Variants in ARGLU1 observed in about 807,000 individuals in gnomAD.
ARGLU1 encodes arginine and glutamate-rich protein 1.
In ARGLU1, 9 loss-of-function variants were observed where a neutral mutation model predicts 37.6. That is an observed-to-expected ratio of 0.24 (90% CI 0.14 to 0.42). The LOEUF (loss-of-function observed/expected upper bound fraction) is 0.42. Among genes scored for constraint, ARGLU1 ranks in the 10% least tolerant of loss-of-function variants. The pLI is 1.00. For synonymous variants in ARGLU1, 166 were observed against 138.5 expected (o/e 1.20, Z -1.39); for missense variants, 211 against 359.2 (o/e 0.59, Z 3.34).
chr13:106,557,250 C>T lies in ARGLU1; in HGVS notation c.574-119G>A, dbSNP rs542889231. ...GACTTACAGGGTAGCTTTATAGCTA[C>T]CTTCTGTCTGACAAATGATAAACTG... On this transcript the variant is annotated intron_variant, in intron 2 of 3. Coordinates refer to ENST00000400198, the MANE Select transcript of ARGLU1 (RefSeq NM_018011.4). The surrounding 1 kb of genome is among the most constrained non-coding windows in gnomAD (Gnocchi z 5.0). 5 of 870,330 alleles carry T rather than the reference C, an allele frequency of 5.7e-6. No homozygotes were observed. The highest frequency in any genetic ancestry group is 8.8e-6 in the Non-Finnish European group (5 of 566,838). 53.9% of individuals were successfully genotyped at this position (870,330 alleles called of 1,614,324 possible).
chr13:106,556,168 G>A (rs549161845), intron 3 of ARGLU1, among the ~76,000 whole-genome samples: 1 of 152,158 alleles, frequency 6.6e-6, no homozygotes, highest in East Asian at 1.9e-4. Flanking sequence ...CATTCCTATT[G>A]CTTTTTCTGC....
chr13:106,549,854 G>A (rs960189309), intron 3 of ARGLU1, among the ~76,000 whole-genome samples: 1 of 152,202 alleles, frequency 6.6e-6, no homozygotes, highest in African/African-American at 2.4e-5. Context: ...AGCTTTGTAT[G>A]CAATATTATG....
intron 3 of ARGLU1, among the ~76,000 whole-genome samples, chr13:106,551,517 C>G (rs1272677503): frequency 1.3e-5 from 2 of 152,204 alleles, no homozygotes; most frequent in African/African-American, 4.8e-5. Context: ...CATTTTCTAT[C>G]ATGTGACTCA....
intron 3 of ARGLU1, among the ~76,000 whole-genome samples, chr13:106,549,851 T>C (rs1435437584): frequency 1.3e-5 from 2 of 152,246 alleles, no homozygotes; most frequent in Admixed American, 6.5e-5. Flanking sequence ...TTGAGCTTTG[T>C]ATGCAATATT....
At chr13:106,559,983 A>C (rs1318036454) in intron 1 of ARGLU1, among the ~76,000 whole-genome samples, 1 of 152,206 alleles carries the variant, frequency 6.6e-6, no homozygotes, top group Admixed American at 6.5e-5. Context: ...CTTTATAATC[A>C]GAGGACAAGT....
chr13:106,546,733 A>G (rs543204512), intron 3 of ARGLU1, among the ~76,000 whole-genome samples: 1 of 152,238 alleles, frequency 6.6e-6, no homozygotes, highest in African/African-American at 2.4e-5. Flanking sequence ...TTCTAACTCA[A>G]CCCTAGGAAA....
intron 2 of ARGLU1, chr13:106,558,694 A>C: frequency 1.0e-6 from 1 of 985,474 alleles, no homozygotes; most frequent in South Asian, 4.7e-5. Context: ...CCAGCTGCTG[A>C]TAAAACAAAT....
intron 3 of ARGLU1, among the ~76,000 whole-genome samples, chr13:106,549,001 C>T (rs4772797): frequency 0.35 from 52,957 of 152,006 alleles, 10,020 homozygotes; most frequent in African/African-American, 0.49. Context: ...TCCGCCTGCC[C>T]TGGCCTCCCA....
At chr13:106,552,755 T>C (rs112039171) in intron 3 of ARGLU1, among the ~76,000 whole-genome samples, 16 of 152,222 alleles carry the variant, frequency 1.1e-4, no homozygotes, top group African/African-American at 3.6e-4. Flanking sequence ...TACCTAAAGA[T>C]AGTTATGTGT....
At chr13:106,553,357 GTAA>G (rs1353108532) in intron 3 of ARGLU1, among the ~76,000 whole-genome samples, 2 of 152,100 alleles carry the variant, frequency 1.3e-5, no homozygotes, top group Non-Finnish European at 2.9e-5. Context: ...AACCCACTGT[GTAA>G]TAATAATGAA....
At chr13:106,554,710 C>T (rs1357396802) in intron 3 of ARGLU1, among the ~76,000 whole-genome samples, 1 of 151,744 alleles carries the variant, frequency 6.6e-6, no homozygotes, top group Non-Finnish European at 1.5e-5. Context: ...CATACTGAAA[C>T]CCCGTCTCTA....
intron 3 of ARGLU1, among the ~76,000 whole-genome samples, chr13:106,550,376 T>A (rs961131400): frequency 6.6e-6 from 1 of 152,168 alleles, no homozygotes; most frequent in Admixed American, 6.5e-5. Context: ...TAAATTACTG[T>A]CCCAAATACA....
intron 1 of ARGLU1, among the ~76,000 whole-genome samples, chr13:106,566,959 G>A (rs1880982203): frequency 6.6e-6 from 1 of 151,916 alleles, no homozygotes; most frequent in Admixed American, 6.6e-5. Flanking sequence ...ACATCTCAAG[G>A]AAGGGGTGAG....
At chr13:106,554,657 C>T (rs1388889322) in intron 3 of ARGLU1, among the ~76,000 whole-genome samples, 6 of 152,012 alleles carry the variant, frequency 3.9e-5, no homozygotes, top group Admixed American at 2.0e-4. Context: ...GAGGACGGTG[C>T]GGGTGGATCA....
chr13:106,551,630 G>A (rs1880532341), intron 3 of ARGLU1, among the ~76,000 whole-genome samples: 2 of 152,084 alleles, frequency 1.3e-5, no homozygotes, highest in Non-Finnish European at 2.9e-5. Context: ...TATTCTGGAG[G>A]CCAGGAGTCT....
intron 1 of ARGLU1, among the ~76,000 whole-genome samples, chr13:106,565,136 A>G (rs1880925803): frequency 1.3e-5 from 2 of 152,214 alleles, no homozygotes; most frequent in African/African-American, 4.8e-5. Flanking sequence ...CCTGCTTAAA[A>G]TCCTTCCCGT....
rs750805855 is a variant in ARGLU1, at chr13:106,544,058, T to C, written c.760A>G (p.Ile254Val). 3.1e-6 allele frequency: 5 copies of C among 1,606,530 alleles called. No individual in the cohort carries two copies. In the Admixed American group the frequency reaches 8.5e-5, roughly 27 times the overall value. ...RQRQQKEEQKIILGKGKSRPK... is the reference protein window; with the variant it reads ...RQRQQKEEQKVILGKGKSRPK... ...CTGGACTTCCCCTTGCCCAGGATAA[T>C]TTTTTGTTCTTCTTTTTGTTGACGT... Residue 254 changes from isoleucine to valine, a missense_variant, in exon 4 of 4, where the codon ATT (isoleucine) becomes GTT (valine). Physicochemically the swap from Ile to Val is conservative, Grantham distance 29. Around this residue, in one of 3 missense-constraint regions of ARGLU1, gnomAD observed 80 missense variants for 158.4 expected, o/e 0.51. Transcript: ENST00000400198.
intron 2 of ARGLU1, 194 bp downstream of exon 2, chr13:106,559,238 C>A: frequency 6.5e-7 from 1 of 1,527,592 alleles, no homozygotes; most frequent in Non-Finnish European, 8.8e-7. Context: ...TTTATAAAAG[C>A]TTCCAACTTT....
chr13:106,559,783 T>C, intron 1 of ARGLU1, 126 bp from the exon 2 acceptor site: 3 of 1,023,544 alleles, frequency 2.9e-6, no homozygotes, highest in South Asian at 1.7e-5. Flanking sequence ...TCAGAATTCA[T>C]TTCCATGTCA....
Sources: gnomAD v4.1 joint callset for allele counts (sites outside exome capture counted in the v4.1 genomes callset) on GRCh38, gnomAD v4.1.1 for gene constraint, gnomAD v4.1.1 regional missense constraint, Gnocchi (gnomAD v3.1) non-coding constraint, MANE v1.5 for transcripts, NCBI Gene and HGNC (gene_info 2026-07-23, HGNC 2026-07-21) for gene names.